SPATA21: variants seen among roughly 807,000 people sequenced by gnomAD.
SPATA21 encodes the protein spermatogenesis associated 21, also known as spermatogenesis-associated protein 21.
Under a neutral mutation model 54.8 loss-of-function variants are expected in SPATA21, and 47 were observed. That is an observed-to-expected ratio of 0.86 (90% confidence interval 0.68 to 1.09). SPATA21 has a LOEUF of 1.09. Ranked by LOEUF, SPATA21 falls within the 50% of genes least tolerant of loss-of-function variation. SPATA21 has a pLI of 0.00. For missense variants in SPATA21, 599 were observed against 596.4 expected (o/e 1.00, Z -0.05); for synonymous variants, 245 against 235.3 (o/e 1.04, Z -0.38).
At chr1:16,408,985 C>T (rs932243578) in intron 7 of SPATA21, 133 bp downstream of exon 7, 3 of 891,596 alleles carry the variant, frequency 3.4e-6, no homozygotes, top group Non-Finnish European at 5.1e-6. Context: ...GTGCAGAAAA[C>T]CCCTGCTGGG....
rs746136332 is a variant in SPATA21, at chr1:16,409,604, G to A, written c.584C>T (p.Ala195Val). 13 of 1,610,392 alleles carry A rather than the reference G, an allele frequency of 8.1e-6. No individual in the cohort carries two copies. Among genetic ancestry groups the A allele is most frequent in the East Asian group, 2.2e-5 (1 of 44,834 alleles). The stretch of plus-strand genomic sequence containing the variant: ...GGTGAGCAGCGGGGGCTCCTACCGC[G>A]CCTTGGCGTAGCTCAGGGTTCTCTC... The part of the protein sequence containing the change: ...SSERTLSYAK[A>V]RQEPEEQSLQ... The change falls in exon 6 of 13, where the codon GCG (alanine) becomes GTG (valine). Residue 195 changes from alanine to valine, a missense_variant. Transcript: ENST00000335496. This position sits in a 1 kb window ranked among gnomAD's most constrained non-coding sequence, Gnocchi z 4.1.
chr1:16,400,450 G>C, intron 11 of SPATA21: 2 of 1,181,068 alleles, frequency 1.7e-6, no homozygotes, highest in Non-Finnish European at 2.1e-6. Flanking sequence ...CTCTACAGCT[G>C]TTCTTTCTCA....
At chr1:16,424,335 A>C (rs2100874033) in intron 3 of SPATA21, among the ~76,000 whole-genome samples, 1 of 150,236 alleles carries the variant, frequency 6.7e-6, no homozygotes, top group African/African-American at 2.5e-5. Flanking sequence ...TCTTACAGAT[A>C]AATAAAAAAA....
intron 3 of SPATA21, among the ~76,000 whole-genome samples, chr1:16,424,211 G>T (rs1209636675): frequency 7.6e-6 from 1 of 130,810 alleles, no homozygotes; most frequent in African/African-American, 2.9e-5. Context: ...ACTTTGGGAG[G>T]CTGAGGCAGG....
rs139562882 is a variant in SPATA21 at position 16,411,136 on chromosome 1, C to T, written c.145-1093G>A. Among the ~76,000 whole-genome samples the T allele has an allele frequency of 9.2e-5, 14 of 152,264 alleles. No individual in the cohort carries two copies. In the South Asian group the frequency reaches 2.3e-3, roughly 25 times the overall value. ...CTCTCTCTTCCTAAGTTATCAACTT[C>T]GCTTTCCCCACCAGATTACTCCTAT... On this transcript the variant is annotated intron_variant, in intron 5 of 12. Transcript: ENST00000335496.
intron 5 of SPATA21, among the ~76,000 whole-genome samples, chr1:16,411,900 G>A (rs564292432): frequency 1.2e-4 from 18 of 151,872 alleles, no homozygotes; most frequent in Admixed American, 3.3e-4. Flanking sequence ...GAAAGCGTTG[G>A]CTGTCCTGAC....
chr1:16,426,196 G>A (rs147659848), intron 3 of SPATA21, among the ~76,000 whole-genome samples: 17 of 152,194 alleles, frequency 1.1e-4, no homozygotes, highest in East Asian at 5.9e-4. Flanking sequence ...GTGTCTATCC[G>A]ATCTCACTTT....
intron 5 of SPATA21, among the ~76,000 whole-genome samples, chr1:16,412,031 C>T (rs990228265): frequency 2.0e-5 from 3 of 152,060 alleles, no homozygotes; most frequent in African/African-American, 7.2e-5. Context: ...ACACAGATGC[C>T]CATTCACTCT....
intron 3 of SPATA21, chr1:16,425,657 C>T (rs1168110404): frequency 6.5e-7 from 1 of 1,550,314 alleles, no homozygotes; most frequent in Non-Finnish European, 8.7e-7. Flanking sequence ...AGGCAGCAAC[C>T]CCAGCTCACT....
intron 5 of SPATA21, among the ~76,000 whole-genome samples, chr1:16,419,757 T>C (rs2086116526): frequency 6.6e-6 from 1 of 152,086 alleles, no homozygotes; most frequent in Non-Finnish European, 1.5e-5. Context: ...CTGACCAATA[T>C]GGTGAAACCC....
rs1557653012 is a variant in SPATA21 at position 16,409,690 on chromosome 1, G to C, written c.498C>G (p.Val166=). 6.2e-7 allele frequency: 1 copy of C among 1,613,430 alleles called. No homozygotes were observed. Among genetic ancestry groups the C allele is most frequent in the Admixed American group, 1.7e-5 (1 of 60,016 alleles). ...CCAGGTCCAGGGCAGGGCCCAGCAGGACAGGGCAAGGCATGGAGGTGGGGA... is the reference window on the plus strand; with the variant it reads ...CCAGGTCCAGGGCAGGGCCCAGCAGCACAGGGCAAGGCATGGAGGTGGGGA... ...APVPTSMPCP[V]LLGPALDLGW... The change falls in exon 6 of 13, where the codon GTC becomes GTG. Residue 166 remains valine, a synonymous_variant. Coordinates refer to ENST00000335496, the MANE Select transcript of SPATA21 (RefSeq NM_198546.1). This position sits in a 1 kb window ranked among gnomAD's most constrained non-coding sequence, Gnocchi z 4.1.
intron 3 of SPATA21, among the ~76,000 whole-genome samples, chr1:16,424,216 G>A (rs2086253204): frequency 8.0e-6 from 1 of 124,868 alleles, no homozygotes; most frequent in Non-Finnish European, 1.7e-5. Context: ...GGGAGGCTGA[G>A]GCAGGAGAAT....
rs2086280717 is a variant in SPATA21 at position 16,424,932 on chromosome 1, T to C, written c.35-2961A>G. On this transcript the variant is annotated intron_variant, in intron 3 of 12. Coordinates refer to ENST00000335496, the MANE Select transcript of SPATA21 (RefSeq NM_198546.1). ...ACTTATTTTTATTTTATTTTTATTT[T>C]TTTGAGACGGAGTTTTGCTCTCATT... is the stretch of plus-strand genomic sequence containing the variant. The C allele has an allele frequency of 5.1e-5, 14 of 275,486 alleles. 1 individual carries two copies. The highest frequency in any genetic ancestry group is 4.8e-4 in the South Asian group (14 of 29,402). The allele number at this position is 275,486 out of a possible 1,614,324, so 17.1% of individuals were successfully genotyped here.
chr1:16,398,873 A>G lies in SPATA21; in HGVS notation c.1353-51T>C, dbSNP rs374273615. 1.5e-4 allele frequency: 239 copies of G among 1,571,088 alleles called. 1 individual carries two copies. Among genetic ancestry groups the G allele is most frequent in the Admixed American group, 4.5e-4 (25 of 55,808 alleles). ...GTGGGAGACATGTGGCCCTTTCCCTATCTGCCAGTATATGAGCCATCTGTG... is the reference window on the plus strand; with the variant it reads ...GTGGGAGACATGTGGCCCTTTCCCTGTCTGCCAGTATATGAGCCATCTGTG... On this transcript the variant is annotated intron_variant, in intron 12 of 12. Transcript: ENST00000335496.
chr1:16,426,581 T>TATATA (rs1341237564), intron 3 of SPATA21, among the ~76,000 whole-genome samples: 231 of 67,692 alleles, frequency 3.4e-3, no homozygotes, highest in African/African-American at 0.012. Context: ...ATATATATAT[T>TATATA]TTTTTTTTTT....
At chr1:16,424,040 T>G (rs1403319486) in intron 3 of SPATA21, among the ~76,000 whole-genome samples, 1 of 151,600 alleles carries the variant, frequency 6.6e-6, no homozygotes, top group Non-Finnish European at 1.5e-5. Context: ...CTATGTTTGC[T>G]TTCTTGATTG....
intron 10 of SPATA21, among the ~76,000 whole-genome samples, chr1:16,402,544 A>C (rs2085487712): frequency 6.8e-6 from 1 of 147,066 alleles, no homozygotes. Context: ...TACAGGCATG[A>C]GCCACCATGC....
intron 3 of SPATA21, among the ~76,000 whole-genome samples, chr1:16,430,366 G>A (rs1428976691): frequency 3.9e-5 from 6 of 152,148 alleles, no homozygotes; most frequent in African/African-American, 1.2e-4. Context: ...CTGGGAGTTC[G>A]AGGCTGCAGT....
chr1:16,425,079 C>T (rs1198283103), intron 3 of SPATA21: 9 of 359,642 alleles, frequency 2.5e-5, no homozygotes, highest in African/African-American at 6.4e-5. Flanking sequence ...CCACCACACC[C>T]GGCTAATTTT....
Sources: gnomAD v4.1 joint callset for allele counts (sites outside exome capture counted in the v4.1 genomes callset) on GRCh38, gnomAD v4.1.1 for gene constraint, Gnocchi (gnomAD v3.1) non-coding constraint, MANE v1.5 for transcripts, NCBI Gene and HGNC (gene_info 2026-07-23, HGNC 2026-07-21) for gene names.